Variants in SCX observed in about 807,000 individuals in gnomAD.
SCX encodes basic helix-loop-helix transcription factor scleraxis.
Under a neutral mutation model 12.2 loss-of-function variants are expected in SCX, and 7 were observed. The observed-to-expected ratio is 0.57, with a 90% CI of 0.33 to 1.08. The LOEUF is 1.08. Among genes scored for constraint, SCX ranks in the 50% least tolerant of loss-of-function variants. The pLI, the probability that SCX is intolerant of heterozygous loss-of-function variation, is 0.04. For synonymous variants in SCX, 193 were observed against 163.9 expected (o/e 1.18, Z -1.36); for missense variants, 342 against 337.2 (o/e 1.01, Z -0.11).
chr8:144,267,207 G>A (rs1280933110), intron 1 of SCX, 27 bp downstream of exon 1: 6 of 1,493,618 alleles, frequency 4.0e-6, no homozygotes, highest in Non-Finnish European at 4.4e-6. Context: ...GGGCGCCGAG[G>A]GGGGCCTCCA....
In SCX at chr8:144,266,901, G is replaced by A; in HGVS notation, c.288G>A (p.Thr96=). 7 of 1,528,526 alleles carry A rather than the reference G, an allele frequency of 4.6e-6. No homozygotes were observed. Among genetic ancestry groups the A allele is most frequent in the Admixed American group, 1.8e-5 (1 of 54,214 alleles). The allele number at this position is 1,528,526 out of a possible 1,614,324, so 94.7% of individuals were successfully genotyped here. The change falls in exon 1 of 2, where the codon ACG becomes ACA. Residue 96 remains threonine (T), a synonymous_variant. Transcript: ENST00000567180. The part of the protein sequence containing the change: ...DRTNSVNTAF[T]ALRTLIPTEP... ...CCAACAGCGTGAACACGGCCTTCAC[G>A]GCGCTGCGCACGCTGATCCCCACCG...
In SCX at chr8:144,266,898, C is replaced by A; in HGVS notation, c.285C>A (p.Phe95Leu). The A allele has an allele frequency of 6.5e-7, 1 of 1,527,666 alleles. No homozygotes were observed. Among genetic ancestry groups the A allele is most frequent in the Non-Finnish European group, 8.8e-7 (1 of 1,142,616 alleles). 94.6% of individuals were successfully genotyped at this position (1,527,666 alleles called of 1,614,324 possible). The change falls in exon 1 of 2, where the codon TTC (phenylalanine) becomes TTA (leucine). Residue 95 changes from phenylalanine (F) to leucine (L), a missense_variant. Phe to Leu is a conservative substitution (Grantham distance 22, BLOSUM62 0). This residue lies in a region of SCX where 42 missense variants were observed against 73.7 expected (regional missense o/e 0.57). Transcript: ENST00000567180. ...GCACCAACAGCGTGAACACGGCCTT[C>A]ACGGCGCTGCGCACGCTGATCCCCA... is the stretch of plus-strand genomic sequence containing the variant. ...RDRTNSVNTA[F>L]TALRTLIPTE... is the part of the protein sequence containing the mutation.
In SCX at chr8:144,266,858, C is replaced by T. The variant is rs1471071494; in HGVS notation, c.245C>T (p.Ala82Val). ...CCCCGGCAGCGGCACACGGCGAACG[C>T]GCGCGAGCGAGACCGCACCAACAGC... ...REPRQRHTAN[A>V]RERDRTNSVN... is the part of the protein sequence containing the mutation. The change falls in exon 1 of 2, where the codon GCG becomes GTG. Residue 82 changes from alanine (A) to valine (V), a missense_variant. Ala to Val is a moderately conservative substitution (Grantham distance 64). This residue lies in a region of SCX where 42 missense variants were observed against 73.7 expected (regional missense o/e 0.57). Transcript: ENST00000567180. 4.9e-6 allele frequency: 7 copies of T among 1,416,110 alleles called. No individual in the cohort carries two copies. Among genetic ancestry groups the T allele is most frequent in the Non-Finnish European group, 5.6e-6 (6 of 1,078,186 alleles). 87.7% of individuals were successfully genotyped at this position (1,416,110 alleles called of 1,614,324 possible). A position where few individuals can be genotyped will look rare whatever the true frequency, so the allele number is the denominator to read the frequency against.
chr8:144,268,000 C>T lies in SCX; in HGVS notation c.568-104C>T. ...GCTGGGGAGAGCCGGGAAGGAGGTG[C>T]CTTGGCGCTGGCCACCTGAGATGGC... On this transcript the variant is annotated intron_variant, in intron 1 of 1. Coordinates refer to ENST00000567180, the MANE Select transcript of SCX (RefSeq NM_001080514.3). The T allele has an allele frequency of 1.1e-5, 17 of 1,519,776 alleles. 1 individual carries two copies. Among genetic ancestry groups the T allele is most frequent in the South Asian group, 3.6e-5 (3 of 83,410 alleles). The allele number at this position is 1,519,776 out of a possible 1,614,324, so 94.1% of individuals were successfully genotyped here. A position where few individuals can be genotyped will look rare whatever the true frequency, so the allele number is the denominator to read the frequency against.
chr8:144,268,100 G>C lies in SCX; in HGVS notation c.568-4G>C. On this transcript the variant is annotated splice_region_variant and splice_polypyrimidine_tract_variant and intron_variant, in intron 1 of 1. Coordinates refer to ENST00000567180, the MANE Select transcript of SCX (RefSeq NM_001080514.3). The stretch of plus-strand genomic sequence containing the variant: ...GGCCTGACACTCCTCCCTCCCCTCT[G>C]CAGAGCAAGGACCGCGACAGAAAGA... The C allele has an allele frequency of 1.3e-6, 2 of 1,550,956 alleles. No homozygotes were observed. The highest frequency in any genetic ancestry group is 3.5e-4 in the Middle Eastern group (2 of 5,656).
Position 144,266,924 on chromosome 8 carries a change from C to A in SCX, c.311C>A (p.Thr104Asn). 1 of 1,555,912 alleles carries A rather than the reference C, an allele frequency of 6.4e-7. No homozygotes were observed. The highest frequency in any genetic ancestry group is 1.1e-5 in the South Asian group (1 of 88,412). Residue 104 changes from threonine (T) to asparagine (N), a missense_variant, in exon 1 of 2, where the codon ACC (threonine) becomes AAC (asparagine). This residue lies in a region of SCX where 42 missense variants were observed against 73.7 expected (regional missense o/e 0.57). Coordinates refer to ENST00000567180, the MANE Select transcript of SCX (RefSeq NM_001080514.3). ...AFTALRTLIP[T>N]EPADRKLSKI... The stretch of plus-strand genomic sequence containing the variant: ...ACGGCGCTGCGCACGCTGATCCCCA[C>A]CGAGCCCGCCGACCGCAAGCTCTCC...
At chr8:144,267,643 A>G (rs1029824405) in intron 1 of SCX, among the ~76,000 whole-genome samples, 3 of 152,086 alleles carry the variant, frequency 2.0e-5, no homozygotes, top group Admixed American at 1.3e-4. Context: ...TCCGTCCCCC[A>G]CCTAGGCCGC....
In SCX at chr8:144,267,078, C is replaced by G; in HGVS notation, c.465C>G (p.Ala155=). ...CCGCCTTCTTCCACGCGGCGCGCGC[C>G]GGCAGCCCCCCGCCGCCGCCCCCGC... The part of the protein sequence containing the change: ...SGPAFFHAAR[A]GSPPPPPPPP... Residue 155 remains alanine, a synonymous_variant, in exon 1 of 2, where the codon GCC becomes GCG. Coordinates refer to ENST00000567180, the MANE Select transcript of SCX (RefSeq NM_001080514.3). The G allele has an allele frequency of 1.4e-6, 2 of 1,394,592 alleles. No homozygotes were observed. The highest frequency in any genetic ancestry group is 1.6e-5 in the South Asian group (1 of 64,166). The allele number at this position is 1,394,592 out of a possible 1,614,324, so 86.4% of individuals were successfully genotyped here.
Position 144,266,645 on chromosome 8 carries a change from C to G in SCX, c.32C>G (p.Pro11Arg). Reference protein sequence around the residue: MSFATLRPAPPGRYLYPEVSP... With the variant: MSFATLRPAPRGRYLYPEVSP... ...TTCGCCACGCTGCGCCCGGCGCCGC[C>G]GGGCCGCTACCTGTACCCCGAGGTG... Residue 11 changes from proline to arginine, a missense_variant, in exon 1 of 2, where the codon CCG becomes CGG. By Grantham distance (103) the Pro-to-Arg change is moderately radical. Around this residue, in one of 3 missense-constraint regions of SCX, gnomAD observed 139 missense variants for 107.8 expected, o/e 1.29. Transcript: ENST00000567180. 3.2e-6 allele frequency: 4 copies of G among 1,246,006 alleles called. No homozygotes were observed. The highest frequency in any genetic ancestry group is 4.1e-6 in the Non-Finnish European group (4 of 975,324). 77.2% of individuals were successfully genotyped at this position (1,246,006 alleles called of 1,614,324 possible).
chr8:144,266,852 C>T lies in SCX; in HGVS notation c.239C>T (p.Ala80Val). ...CGTGAGCCCCGGCAGCGGCACACGGCGAACGCGCGCGAGCGAGACCGCACC... is the reference window on the plus strand; with the variant it reads ...CGTGAGCCCCGGCAGCGGCACACGGTGAACGCGCGCGAGCGAGACCGCACC... ...PGREPRQRHTANARERDRTNS... is the reference protein window; with the variant it reads ...PGREPRQRHTVNARERDRTNS... The change falls in exon 1 of 2, where the codon GCG (alanine) becomes GTG (valine). Residue 80 changes from alanine (A) to valine (V), a missense_variant. Coordinates refer to ENST00000567180, the MANE Select transcript of SCX (RefSeq NM_001080514.3). 7.9e-6 allele frequency: 11 copies of T among 1,394,506 alleles called. No individual in the cohort carries two copies. Among genetic ancestry groups the T allele is most frequent in the African/African-American group, 1.5e-5 (1 of 66,830 alleles). 86.4% of individuals were successfully genotyped at this position (1,394,506 alleles called of 1,614,324 possible).
chr8:144,268,157 C>G lies in SCX; in HGVS notation c.*15C>G. On this transcript the variant is annotated 3_prime_UTR_variant, in exon 2 of 2. Coordinates refer to ENST00000567180, the MANE Select transcript of SCX (RefSeq NM_001080514.3). ...TTCGCAGTTAGGAGGTGGCCGGCAG[C>G]AGCCAGGAGGCAGACGCTGCTGGGG... is the stretch of plus-strand genomic sequence containing the variant. The G allele has an allele frequency of 6.4e-7, 1 of 1,550,750 alleles. No individual in the cohort carries two copies. The highest frequency in any genetic ancestry group is 1.2e-5 in the South Asian group (1 of 84,050).
chr8:144,268,423 T>C lies in SCX; in HGVS notation c.*281T>C, dbSNP rs1031506704. 31 of 572,072 alleles carry C rather than the reference T, an allele frequency of 5.4e-5. No homozygotes were observed. The highest frequency in any genetic ancestry group is 2.8e-4 in the African/African-American group (15 of 52,882). 35.4% of individuals were successfully genotyped at this position (572,072 alleles called of 1,614,324 possible). ...GTGTGATGGCATCTTGTGTTTTTGATATGATAATATAAAGTCTGAAAATTT... is the reference window on the plus strand; with the variant it reads ...GTGTGATGGCATCTTGTGTTTTTGACATGATAATATAAAGTCTGAAAATTT... On this transcript the variant is annotated 3_prime_UTR_variant, in exon 2 of 2. Transcript: ENST00000567180.
chr8:144,267,796 G>A (rs1043756420), intron 1 of SCX, among the ~76,000 whole-genome samples: 38 of 152,356 alleles, frequency 2.5e-4, no homozygotes, highest in Admixed American at 2.4e-3. Flanking sequence ...CTCCTGCTGT[G>A]CTTGGTGGCA....
chr8:144,266,883 C>T lies in SCX; in HGVS notation c.270C>T (p.Ser90=). The T allele has an allele frequency of 4.0e-6, 6 of 1,505,938 alleles. No homozygotes were observed. In the East Asian group the frequency reaches 1.1e-4, roughly 28 times the overall value. 93.3% of individuals were successfully genotyped at this position (1,505,938 alleles called of 1,614,324 possible). ...CGCGCGAGCGAGACCGCACCAACAGCGTGAACACGGCCTTCACGGCGCTGC... is the reference window on the plus strand; with the variant it reads ...CGCGCGAGCGAGACCGCACCAACAGTGTGAACACGGCCTTCACGGCGCTGC... ...ANARERDRTN[S]VNTAFTALRT... Residue 90 remains serine, a synonymous_variant, in exon 1 of 2, where the codon AGC becomes AGT. Transcript: ENST00000567180.
In SCX at chr8:144,266,548, G is replaced by C; in HGVS notation, c.-66G>C. The C allele has an allele frequency of 2.0e-6, 2 of 997,628 alleles. No homozygotes were observed. The highest frequency in any genetic ancestry group is 2.4e-6 in the Non-Finnish European group (2 of 839,494). The allele number at this position is 997,628 out of a possible 1,614,324, so 61.8% of individuals were successfully genotyped here. On this transcript the variant is annotated 5_prime_UTR_variant, in exon 1 of 2. Coordinates refer to ENST00000567180, the MANE Select transcript of SCX (RefSeq NM_001080514.3). ...TCGCCCCGGCCGGCCCGCGAGGCCC[G>C]CGGCGGCCGCAGGAGGCGGCATGAG...
chr8:144,267,321 G>A (rs2130212135), intron 1 of SCX, 141 bp downstream of exon 1: 2 of 1,059,586 alleles, frequency 1.9e-6, no homozygotes, highest in East Asian at 3.6e-5. Flanking sequence ...AGGCCTGCCG[G>A]GGGCTGGGGC....
In SCX at chr8:144,268,315, C is replaced by T. The variant is rs1482243824; in HGVS notation, c.*173C>T. On this transcript the variant is annotated 3_prime_UTR_variant, in exon 2 of 2. Coordinates refer to ENST00000567180, the MANE Select transcript of SCX (RefSeq NM_001080514.3). ...AGGGACAGACGGACGTACAGACAGG[C>T]GCCGGCAGCGGGACTCTGCGCTGGC... The T allele has an allele frequency of 1.5e-5, 14 of 918,190 alleles. No individual in the cohort carries two copies. In the South Asian group the frequency reaches 1.9e-4, roughly 12 times the overall value. The allele number at this position is 918,190 out of a possible 1,614,324, so 56.9% of individuals were successfully genotyped here.
intron 1 of SCX, 150 bp downstream of exon 1, chr8:144,267,330 G>T: frequency 2.0e-6 from 2 of 984,230 alleles, no homozygotes; most frequent in South Asian, 3.0e-5. Flanking sequence ...GGGGGCTGGG[G>T]CCTTCTCCTG....
In SCX at chr8:144,268,113, C is replaced by A; in HGVS notation, c.577C>A (p.Arg193Ser). 1 of 1,551,356 alleles carries A rather than the reference C, an allele frequency of 6.4e-7. No homozygotes were observed. ...LSNQRKLSKDRDRKTAIRS is the reference protein window; with the variant it reads ...LSNQRKLSKDSDRKTAIRS ...TCCCTCCCCTCTGCAGAGCAAGGAC[C>A]GCGACAGAAAGACAGCGATTCGCAG... Residue 193 changes from arginine (R) to serine (S), a missense_variant, in exon 2 of 2, where the codon CGC (arginine) becomes AGC (serine). Physicochemically the swap from Arg to Ser is moderately radical, Grantham distance 110. Transcript: ENST00000567180.
Sources: allele counts gnomAD v4.1 joint callset (sites outside exome capture counted in the v4.1 genomes callset), GRCh38; gene constraint gnomAD v4.1.1; regional missense constraint gnomAD v4.1.1; transcripts MANE v1.5; gene names NCBI Gene and HGNC (gene_info 2026-07-23, HGNC 2026-07-21).